THSD7B: variants seen among roughly 807,000 people sequenced by gnomAD.
THSD7B encodes thrombospondin type 1 domain containing 7B.
Under a neutral mutation model 213.6 loss-of-function variants are expected in THSD7B, and 138 were observed. The observed-to-expected ratio is 0.65, with a 90% CI of 0.56 to 0.74. The LOEUF (loss-of-function observed/expected upper bound fraction) is 0.74. Among genes scored for constraint, THSD7B ranks in the 30% least tolerant of loss-of-function variants. The probability of loss-of-function intolerance (pLI) is 0.00; values close to 1 mark genes in which losing one functional copy is unlikely to be tolerated. For missense variants in THSD7B, 1,931 were observed against 1,991.5 expected (o/e 0.97, Z 0.58); for synonymous variants, 742 against 687.0 (o/e 1.08, Z -1.25).
At chr2:137,265,512 C>T (rs1682566926) in intron 10 of THSD7B, among the ~76,000 whole-genome samples, 2 of 152,138 alleles carry the variant, frequency 1.3e-5, no homozygotes, top group Admixed American at 1.3e-4. Flanking sequence ...GACACATGCA[C>T]ACGTATGTTT....
chr2:137,352,075 G>T (rs1685026517), intron 12 of THSD7B, among the ~76,000 whole-genome samples: 1 of 151,426 alleles, frequency 6.6e-6, no homozygotes, highest in Admixed American at 6.6e-5. Context: ...ACACCTCTGT[G>T]CTAAATAGTT....
chr2:137,522,105 T>C (rs1346921971), intron 15 of THSD7B, among the ~76,000 whole-genome samples: 1 of 152,186 alleles, frequency 6.6e-6, no homozygotes, highest in Non-Finnish European at 1.5e-5. Flanking sequence ...AGGCTGTCTT[T>C]TTCTCAGGTT....
chr2:137,201,652 T>C (rs1680877710), intron 7 of THSD7B, among the ~76,000 whole-genome samples: 1 of 152,172 alleles, frequency 6.6e-6, no homozygotes, highest in Admixed American at 6.5e-5. Flanking sequence ...AATTGTTGTA[T>C]CATATGGTGA....
intron 15 of THSD7B, among the ~76,000 whole-genome samples, chr2:137,461,404 G>A (rs999438966): frequency 5.3e-5 from 8 of 152,020 alleles, no homozygotes; most frequent in African/African-American, 1.9e-4. Flanking sequence ...AGCCATGGGT[G>A]CAATAAACGT....
At chr2:137,368,739 A>T (rs1238724741) in intron 12 of THSD7B, among the ~76,000 whole-genome samples, 1 of 152,154 alleles carries the variant, frequency 6.6e-6, no homozygotes. Context: ...TCAACCTATG[A>T]GGTAAAAGAC....
intron 2 of THSD7B, among the ~76,000 whole-genome samples, chr2:136,974,694 T>A (rs1189878448): frequency 6.6e-6 from 1 of 152,234 alleles, no homozygotes; most frequent in Non-Finnish European, 1.5e-5. Context: ...GAATGATTTG[T>A]ATTCCTTCAG....
intron 12 of THSD7B, among the ~76,000 whole-genome samples, chr2:137,372,245 G>T (rs923679893): frequency 1.3e-5 from 2 of 148,368 alleles, no homozygotes; most frequent in African/African-American, 4.9e-5. Context: ...AGGAGTTTCA[G>T]CATTCAGCAT....
intron 12 of THSD7B, among the ~76,000 whole-genome samples, chr2:137,390,448 G>GT (rs1685995700): frequency 6.6e-6 from 1 of 152,024 alleles, no homozygotes; most frequent in African/African-American, 2.4e-5. Flanking sequence ...GAATCTTTAT[G>GT]TTTTTTGAAA....
At chr2:136,933,814 T>G (rs941552196) in intron 2 of THSD7B, among the ~76,000 whole-genome samples, 1 of 152,216 alleles carries the variant, frequency 6.6e-6, no homozygotes, top group Non-Finnish European at 1.5e-5. Context: ...TAATTGATAT[T>G]GAACCTAACT....
chr2:137,489,494 G>GT (rs200038433), intron 15 of THSD7B, among the ~76,000 whole-genome samples: 4,237 of 151,986 alleles, frequency 0.028, 215 homozygotes, highest in African/African-American at 0.096. Context: ...AGTTAATTAA[G>GT]TTTTTTTCTT....
At chr2:137,514,874 A>G (rs942011512) in intron 15 of THSD7B, among the ~76,000 whole-genome samples, 5 of 152,210 alleles carry the variant, frequency 3.3e-5, no homozygotes, top group African/African-American at 7.2e-5. Context: ...AAGGAACATA[A>G]TGAAGTTGGT....
intron 5 of THSD7B, among the ~76,000 whole-genome samples, chr2:137,146,948 A>G (rs1474545067): frequency 6.6e-6 from 1 of 152,156 alleles, no homozygotes; most frequent in Non-Finnish European, 1.5e-5. Flanking sequence ...TTTAAATGAG[A>G]GTGTTTTGTC....
chr2:136,957,944 ATAAC>A (rs1685155290), intron 2 of THSD7B, among the ~76,000 whole-genome samples: 1 of 152,368 alleles, frequency 6.6e-6, no homozygotes, highest in Admixed American at 6.5e-5. Context: ...AAGGTCTACA[ATAAC>A]TAAAATAGTT....
chr2:137,127,359 G>A (rs900150325), intron 5 of THSD7B, among the ~76,000 whole-genome samples: 15 of 152,104 alleles, frequency 9.9e-5, no homozygotes, highest in African/African-American at 3.6e-4. Context: ...ACTTACAGTG[G>A]CACACCATCA....
At chr2:137,491,403 C>A (rs1216725385) in intron 15 of THSD7B, among the ~76,000 whole-genome samples, 4 of 152,188 alleles carry the variant, frequency 2.6e-5, no homozygotes, top group African/African-American at 9.7e-5. Context: ...TTTGATAGAA[C>A]TATTACTATT....
At chr2:137,048,517 G>A (rs1480592365) in intron 2 of THSD7B, among the ~76,000 whole-genome samples, 1 of 152,178 alleles carries the variant, frequency 6.6e-6, no homozygotes, top group South Asian at 2.1e-4. Flanking sequence ...GATTCTTGAA[G>A]TTAGGGAAAA....
intron 1 of THSD7B, among the ~76,000 whole-genome samples, chr2:136,867,844 G>C (rs1053574958): frequency 7.9e-5 from 12 of 152,120 alleles, no homozygotes; most frequent in African/African-American, 2.9e-4. Flanking sequence ...TTGATTTTGT[G>C]TTTTGGCCAC....
chr2:137,364,139 G>A (rs760388541), intron 12 of THSD7B, among the ~76,000 whole-genome samples: 6 of 152,038 alleles, frequency 3.9e-5, no homozygotes, highest in Admixed American at 6.6e-5. Flanking sequence ...AAAGACAAAA[G>A]CCACATGATT....
intron 15 of THSD7B, among the ~76,000 whole-genome samples, chr2:137,527,308 T>TG (rs1199415504): frequency 6.6e-6 from 1 of 152,138 alleles, no homozygotes; most frequent in African/African-American, 2.4e-5. Flanking sequence ...TATGTACATA[T>TG]GTGTGTGTGC....
Sources: allele counts gnomAD v4.1 joint callset (sites outside exome capture counted in the v4.1 genomes callset), GRCh38; gene constraint gnomAD v4.1.1; transcripts MANE v1.5; gene names NCBI Gene and HGNC (gene_info 2026-07-23, HGNC 2026-07-21).